LAMA4: variants seen among roughly 807,000 people sequenced by gnomAD.
LAMA4 encodes the protein laminin subunit alpha 4, also known as laminin subunit alpha-4.
Under a neutral mutation model 207.1 loss-of-function variants are expected in LAMA4, and 127 were observed. The ratio of observed to expected loss-of-function variants is 0.61; its 90% CI spans 0.53 to 0.71. The LOEUF is 0.71. LAMA4 is among the 30% of genes least tolerant of loss of function. LAMA4 has a pLI of 0.00. For missense variants in LAMA4, 2,093 were observed against 2,246.5 expected (o/e 0.93, Z 1.38); for synonymous variants, 761 against 816.0 (o/e 0.93, Z 1.15).
chr6:112,120,178 G>A, intron 33 of LAMA4, 105 bp downstream of exon 33: 1 of 951,520 alleles, frequency 1.1e-6, no homozygotes. Flanking sequence ...TGCAGCAGCA[G>A]AATTTTAAAA....
chr6:112,189,352 T>G (rs1165182519), intron 6 of LAMA4, 147 bp from the exon 7 acceptor site: 1 of 689,370 alleles, frequency 1.5e-6, no homozygotes, highest in Non-Finnish European at 2.6e-6. Context: ...CTGTGTAGAA[T>G]CTACGATACA....
rs1273176878 is a variant in LAMA4 at position 112,114,548 on chromosome 6, T to C, written c.5206+115A>G. ...GTATAATAACATGATTTTCTTTTCT[T>C]GGATACTTTTAGACTGTCATGCATT... On this transcript the variant is annotated intron_variant, in intron 37 of 38. Coordinates refer to ENST00000230538, the MANE Select transcript of LAMA4 (RefSeq NM_001105206.3). 1.9e-5 allele frequency: 15 copies of C among 775,338 alleles called. No homozygotes were observed. In the African/African-American group the frequency reaches 2.6e-4, roughly 13 times the overall value. 48.0% of individuals were successfully genotyped at this position (775,338 alleles called of 1,614,324 possible). A position where few individuals can be genotyped will look rare whatever the true frequency, so the allele number is the denominator to read the frequency against.
chr6:112,233,871 AAT>A, intron 2 of LAMA4, among the ~76,000 whole-genome samples: 1 of 152,318 alleles, frequency 6.6e-6, no homozygotes, highest in South Asian at 2.1e-4. Flanking sequence ...GGATTAGTTT[AAT>A]ATCAGCAATT....
At chr6:112,215,530 CT>C (rs11435641) in intron 3 of LAMA4, among the ~76,000 whole-genome samples, 1 of 151,962 alleles carries the variant, frequency 6.6e-6, no homozygotes, top group Non-Finnish European at 1.5e-5. Context: ...TGGAAAACCT[CT>C]TTTTGCCAGA....
intron 4 of LAMA4, 41 bp downstream of exon 4, chr6:112,206,980 A>G (rs1224724633): frequency 1.9e-6 from 3 of 1,610,484 alleles, no homozygotes; most frequent in Admixed American, 1.7e-5. Context: ...AACAATACAT[A>G]GACTGATCAT....
At chr6:112,210,632 A>G (rs1445632400) in intron 3 of LAMA4, among the ~76,000 whole-genome samples, 1 of 152,194 alleles carries the variant, frequency 6.6e-6, no homozygotes, top group Non-Finnish European at 1.5e-5. Flanking sequence ...AAGTATGCCC[A>G]GGGAGGTCAA....
At chr6:112,254,728 G>T (rs1554190744), upstream of LAMA4, 1 of 157,874 alleles carries the variant, frequency 6.3e-6, no homozygotes, top group East Asian at 1.9e-4. Context: ...CTTTTGTGAC[G>T]CTTCCTCACC....
intron 2 of LAMA4, among the ~76,000 whole-genome samples, chr6:112,229,221 T>C (rs1259954944): frequency 6.6e-6 from 1 of 152,202 alleles, no homozygotes; most frequent in Middle Eastern, 3.2e-3. Context: ...AAGTTTAGGC[T>C]TACTTATATT....
At chr6:112,190,679 C>T (rs1204667560) in intron 6 of LAMA4, among the ~76,000 whole-genome samples, 1 of 152,190 alleles carries the variant, frequency 6.6e-6, no homozygotes, top group Non-Finnish European at 1.5e-5. Flanking sequence ...TGAAGCCTAA[C>T]CAGAAAGTTT....
intron 8 of LAMA4, chr6:112,187,201 A>G: frequency 1.7e-6 from 1 of 582,958 alleles, no homozygotes; most frequent in Non-Finnish European, 3.1e-6. Context: ...CTAGTCTTTT[A>G]GTCATTTCAT....
chr6:112,142,407 T>C lies in LAMA4; in HGVS notation c.2494-115A>G, dbSNP rs149446083. The C allele has an allele frequency of 5.1e-3, 4,699 of 919,098 alleles. 35 individuals are homozygous for C. The highest frequency in any genetic ancestry group is 0.016 in the South Asian group (1,188 of 75,986). 56.9% of individuals were successfully genotyped at this position (919,098 alleles called of 1,614,324 possible). On this transcript the variant is annotated intron_variant, in intron 19 of 38. Transcript: ENST00000230538. Reference sequence around the variant, plus strand: ...TAAACTCTCTTCACCTCCATACCTGTAGTTATTTACCACATCCTCCCCTAG... The same window carrying C: ...TAAACTCTCTTCACCTCCATACCTGCAGTTATTTACCACATCCTCCCCTAG...
intron 38 of LAMA4, among the ~76,000 whole-genome samples, chr6:112,111,884 TGTGAAA>T (rs1777719315): frequency 6.6e-6 from 1 of 152,182 alleles, no homozygotes; most frequent in African/African-American, 2.4e-5. Context: ...GGGATCAGAC[TGTGAAA>T]GCAAACAAAC....
In LAMA4 at chr6:112,117,973, T is replaced by G; in HGVS notation, c.4822-75A>C. 1 of 1,308,128 alleles carries G rather than the reference T, an allele frequency of 7.6e-7. No individual in the cohort carries two copies. The highest frequency in any genetic ancestry group is 1.2e-5 in the South Asian group (1 of 83,556). The allele number at this position is 1,308,128 out of a possible 1,614,324, so 81.0% of individuals were successfully genotyped here. A position where few individuals can be genotyped will look rare whatever the true frequency, so the allele number is the denominator to read the frequency against. On this transcript the variant is annotated intron_variant, in intron 34 of 38. Transcript: ENST00000230538. The surrounding 1 kb of genome is among the most constrained non-coding windows in gnomAD (Gnocchi z 4.5). ...CCAAGGGGAAGCAAAATGAGGGGGT[T>G]TGAGTCCTGAAGGAACCCACGTAAT...
Position 112,134,460 on chromosome 6 carries a change from G to A in LAMA4, c.3557+7C>T. 1.2e-6 allele frequency: 2 copies of A among 1,613,208 alleles called. No individual in the cohort carries two copies. Among genetic ancestry groups the A allele is most frequent in the Non-Finnish European group, 1.7e-6 (2 of 1,179,452 alleles). On this transcript the variant is annotated splice_region_variant and intron_variant, in intron 26 of 38. Transcript: ENST00000230538. Reference sequence around the variant, plus strand: ...GGAACAAACAGCTACTTAACAAAAAGCCTTACCTGGATTGTAAGATTTCTG... The same window carrying A: ...GGAACAAACAGCTACTTAACAAAAAACCTTACCTGGATTGTAAGATTTCTG...
chr6:112,186,143 CA>C (rs1412546229), intron 8 of LAMA4, among the ~76,000 whole-genome samples: 1 of 152,166 alleles, frequency 6.6e-6, no homozygotes, highest in Admixed American at 6.5e-5. Flanking sequence ...TTTGCACCTC[CA>C]AAAAGCAATG....
intron 2 of LAMA4, among the ~76,000 whole-genome samples, chr6:112,250,553 G>A (rs1212993056): frequency 6.6e-6 from 1 of 152,150 alleles, no homozygotes; most frequent in Non-Finnish European, 1.5e-5. Context: ...TCCCCTCTGA[G>A]GGGCAACTCA....
At chr6:112,247,638 C>T (rs1387081492) in intron 2 of LAMA4, among the ~76,000 whole-genome samples, 2 of 152,114 alleles carry the variant, frequency 1.3e-5, no homozygotes, top group African/African-American at 2.4e-5. Context: ...GTTTCTTTAC[C>T]GAGCTAGATT....
At chr6:112,201,570 T>G in intron 5 of LAMA4, 38 bp downstream of exon 5, 1 of 1,528,486 alleles carries the variant, frequency 6.5e-7, no homozygotes, top group Non-Finnish European at 9.1e-7. Context: ...AAAGCTTCCT[T>G]TGACCCACAC....
At chr6:112,116,024 A>G (rs782430371) in intron 35 of LAMA4, 31 bp from the exon 36 acceptor site, 2 of 1,597,776 alleles carry the variant, frequency 1.3e-6, no homozygotes, top group African/African-American at 2.7e-5. Flanking sequence ...AACTCCCAAG[A>G]ACAGCAAGAT....
Sources: gnomAD v4.1 joint callset for allele counts (sites outside exome capture counted in the v4.1 genomes callset) on GRCh38, gnomAD v4.1.1 for gene constraint, Gnocchi (gnomAD v3.1) non-coding constraint, MANE v1.5 for transcripts, NCBI Gene and HGNC (gene_info 2026-07-23, HGNC 2026-07-21) for gene names.